Variants in NSD2 observed in about 807,000 individuals in gnomAD.
NSD2 encodes nuclear receptor binding SET domain protein 2.
A neutral mutation model predicts 139.0 loss-of-function variants in NSD2; 12 were observed. That is an observed-to-expected ratio of 0.09 (90% CI 0.06 to 0.14). The LOEUF (loss-of-function observed/expected upper bound fraction) is 0.14, where lower values mean the gene tolerates loss of function less well. Ranked by LOEUF, NSD2 falls within the 10% of genes least tolerant of loss-of-function variation. NSD2 has a pLI of 1.00. For missense variants in NSD2, 1,155 were observed against 1,745.0 expected (o/e 0.66, Z 6.02); for synonymous variants, 669 against 648.7 (o/e 1.03, Z -0.48).
At chr4:1,874,370 G>C (rs552687077) in intron 1 of NSD2, among the ~76,000 whole-genome samples, 123 of 152,246 alleles carry the variant, frequency 8.1e-4, no homozygotes, top group Non-Finnish European at 1.3e-3. Context: ...CTTCCTCTTT[G>C]AGCATAATTC....
At position 1,959,248 on chromosome 4, in the gene NSD2, G is replaced by A. The variant is rs145841923; in HGVS notation, c.2986-223G>A. Among the ~76,000 whole-genome samples, 1,095 of 152,278 alleles carry A rather than the reference G, an allele frequency of 7.2e-3. 4 individuals are homozygous for A. Among genetic ancestry groups the A allele is most frequent in the Admixed American group, 0.011 (170 of 15,294 alleles). ...CACAGACACTAAGATAAAATAATGT[G>A]AGGGGGCGTTGTGTTGCCCTGCCTG... On this transcript the variant is annotated intron_variant, in intron 16 of 21. Coordinates refer to ENST00000508803, the MANE Select transcript of NSD2 (RefSeq NM_001042424.3).
Position 1,976,716 on chromosome 4 carries a change from C to A in NSD2, c.3826+37C>A. 1 of 1,537,972 alleles carries A rather than the reference C, an allele frequency of 6.5e-7. No homozygotes were observed. Among genetic ancestry groups the A allele is most frequent in the South Asian group, 1.2e-5 (1 of 83,482 alleles). ...GCCTCGCGGTGGCTTGCAGCTGTGT[C>A]TGTGTGGCAGGCTCCTGATGGCGGC... is the stretch of plus-strand genomic sequence containing the variant. On this transcript the variant is annotated intron_variant, in intron 21 of 21. Transcript: ENST00000508803. The surrounding 1 kb of genome is among the most constrained non-coding windows in gnomAD (Gnocchi z 5.3).
At chr4:1,952,269 G>A (rs765097136) in intron 11 of NSD2, 38 bp downstream of exon 11, 48 of 1,609,418 alleles carry the variant, frequency 3.0e-5, no homozygotes, top group Admixed American at 8.4e-5. Flanking sequence ...CAGCCTGGCC[G>A]GCCACCTGCT....
chr4:1,939,080 C>T (rs1049325058), intron 8 of NSD2, among the ~76,000 whole-genome samples: 3 of 152,082 alleles, frequency 2.0e-5, no homozygotes, highest in African/African-American at 7.2e-5. Flanking sequence ...AGAAGTCATA[C>T]CTTCTCCAAC....
rs1308970053 is a variant in NSD2, at chr4:1,904,374, T to G, written c.756T>G (p.Leu252=). 1.2e-6 allele frequency: 2 copies of G among 1,610,206 alleles called. No individual in the cohort carries two copies. The highest frequency in any genetic ancestry group is 4.5e-5 in the East Asian group (2 of 44,792). Residue 252 remains leucine, a synonymous_variant, in exon 3 of 22, where the codon CTT becomes CTG. Transcript: ENST00000508803. ...CACTCCTTCACAGCTATACCAAACT[T>G]AAAGGTATTGTGTTCTTTGGGTTGT... ...ADPLLHSYTK[L]KGQKKSARQY... is the part of the protein sequence containing the mutation.
At chr4:1,892,335 CT>C (rs1216226283) in intron 1 of NSD2, 1 of 152,168 alleles carries the variant, frequency 6.6e-6, no homozygotes. Context: ...AGCCTTCCCC[CT>C]GCTTCTGAGA....
At chr4:1,878,513 A>C (rs1714469539) in intron 1 of NSD2, among the ~76,000 whole-genome samples, 1 of 151,806 alleles carries the variant, frequency 6.6e-6, no homozygotes. Flanking sequence ...TCCTGGCTGC[A>C]TTGGGTCATC....
chr4:1,981,666 C>T lies in NSD2; in HGVS notation c.*2757C>T. On this transcript the variant is annotated 3_prime_UTR_variant, in exon 22 of 22. Coordinates refer to ENST00000508803, the MANE Select transcript of NSD2 (RefSeq NM_001042424.3). Reference sequence around the variant, plus strand: ...CGGCCTTTCTTCCGGCGACACCCGTCCATGGCTGGCTGGGTCCCCTTCGCA... The same window carrying T: ...CGGCCTTTCTTCCGGCGACACCCGTTCATGGCTGGCTGGGTCCCCTTCGCA... 1 of 393,262 alleles carries T rather than the reference C, an allele frequency of 2.5e-6. No homozygotes were observed. The allele number at this position is 393,262 out of a possible 1,614,324, so 24.4% of individuals were successfully genotyped here. A position where few individuals can be genotyped will look rare whatever the true frequency, so the allele number is the denominator to read the frequency against.
rs1296324363 is a variant in NSD2, at chr4:1,980,952, T to TA, written c.*2044dup. 3.4e-5 allele frequency: 8 copies of TA among 233,226 alleles called. No homozygotes were observed. In the East Asian group the frequency reaches 4.2e-4, roughly 12 times the overall value. 14.4% of individuals were successfully genotyped at this position (233,226 alleles called of 1,614,324 possible). On this transcript the variant is annotated 3_prime_UTR_variant, in exon 22 of 22. Transcript: ENST00000508803. ...CCGGGCAGTGTCCCCACACACACCT[T>TA]AGAGTCGAAGGCCCCAGGGCCCCGC...
In NSD2 at chr4:1,980,072, G is replaced by A. The variant is rs941137940; in HGVS notation, c.*1163G>A. On this transcript the variant is annotated 3_prime_UTR_variant, in exon 22 of 22. Coordinates refer to ENST00000508803, the MANE Select transcript of NSD2 (RefSeq NM_001042424.3). Reference sequence around the variant, plus strand: ...GCTGATCACATGTGCCCTCTGCCAGGGCACCTACTGAGAGGTGCGGTCCTG... The same window carrying A: ...GCTGATCACATGTGCCCTCTGCCAGAGCACCTACTGAGAGGTGCGGTCCTG... The A allele has an allele frequency of 4.3e-6, 1 of 233,206 alleles. No homozygotes were observed. Among genetic ancestry groups the A allele is most frequent in the East Asian group, 6.0e-5 (1 of 16,596 alleles). The allele number at this position is 233,206 out of a possible 1,614,324, so 14.4% of individuals were successfully genotyped here.
Position 1,980,181 on chromosome 4 carries a change from C to T in NSD2, c.*1272C>T, listed in dbSNP as rs1186086443. On this transcript the variant is annotated 3_prime_UTR_variant, in exon 22 of 22. Coordinates refer to ENST00000508803, the MANE Select transcript of NSD2 (RefSeq NM_001042424.3). ...CTAGGCCAGGTATGACACCCACTCTCCTGTGAGATTTCACTTTAGTTTTTA... is the reference window on the plus strand; with the variant it reads ...CTAGGCCAGGTATGACACCCACTCTTCTGTGAGATTTCACTTTAGTTTTTA... The T allele has an allele frequency of 4.3e-6, 1 of 233,348 alleles. No individual in the cohort carries two copies. The highest frequency in any genetic ancestry group is 2.2e-5 in the African/African-American group (1 of 45,492). The allele number at this position is 233,348 out of a possible 1,614,324, so 14.5% of individuals were successfully genotyped here.
At chr4:1,893,120 C>G (rs1206904126) in intron 1 of NSD2, among the ~76,000 whole-genome samples, 1 of 152,142 alleles carries the variant, frequency 6.6e-6, no homozygotes. Context: ...TAATCCCTTC[C>G]GTTCTTTGTC....
intron 1 of NSD2, among the ~76,000 whole-genome samples, chr4:1,886,567 C>G (rs1027012346): frequency 6.6e-6 from 1 of 152,120 alleles, no homozygotes; most frequent in African/African-American, 2.4e-5. Flanking sequence ...CGCGGTGACT[C>G]ACGCCTGTAA....
rs112372308 is a variant in NSD2 at position 1,898,906 on chromosome 4, G to A, written c.-29-1720G>A. Reference sequence around the variant, plus strand: ...CACATTTCAAAATGGAGTTCACCCAGTGCTGTTCCCTTTCTTTCAACAGTT... The same window carrying A: ...CACATTTCAAAATGGAGTTCACCCAATGCTGTTCCCTTTCTTTCAACAGTT... On this transcript the variant is annotated intron_variant, in intron 1 of 21. Transcript: ENST00000508803. Among the ~76,000 whole-genome samples the A allele has an allele frequency of 7.1e-3, 1,075 of 152,150 alleles. 11 individuals carry two copies. Among genetic ancestry groups the A allele is most frequent in the South Asian group, 0.042 (200 of 4,816 alleles).
chr4:1,961,334 G>C (rs1725346600), intron 18 of NSD2, among the ~76,000 whole-genome samples, 183 bp downstream of exon 18: 1 of 152,122 alleles, frequency 6.6e-6, no homozygotes, highest in African/African-American at 2.4e-5. Flanking sequence ...CGGAGGGCTA[G>C]AGCTAACCAC....
chr4:1,948,190 C>T lies in NSD2; in HGVS notation c.1882-2882C>T, dbSNP rs1410319238. The T allele has an allele frequency of 4.7e-6, 5 of 1,063,790 alleles. No individual in the cohort carries two copies. Among genetic ancestry groups the T allele is most frequent in the African/African-American group, 3.3e-5 (2 of 60,952 alleles). 65.9% of individuals were successfully genotyped at this position (1,063,790 alleles called of 1,614,324 possible). ...AAGTCAGGAGCTAAGCTGCTCGGAGCTCAGTGCCGCAGCATGGCTGTGGTG... is the reference window on the plus strand; with the variant it reads ...AAGTCAGGAGCTAAGCTGCTCGGAGTTCAGTGCCGCAGCATGGCTGTGGTG... On this transcript the variant is annotated intron_variant, in intron 9 of 21. Transcript: ENST00000508803. This position sits in a 1 kb window ranked among gnomAD's most constrained non-coding sequence, Gnocchi z 4.5.
At chr4:1,941,890 A>C in intron 9 of NSD2, 1 of 1,064,520 alleles carries the variant, frequency 9.4e-7, no homozygotes, top group Non-Finnish European at 1.1e-6. Flanking sequence ...GCCTGTTAGC[A>C]TATGAGGCAA....
chr4:1,947,892 A>G, intron 9 of NSD2: 1 of 1,055,528 alleles, frequency 9.5e-7, no homozygotes, highest in Non-Finnish European at 1.1e-6. Flanking sequence ...TCTGAAGAGT[A>G]GGTGAGCGCT....
At chr4:1,938,399 TTC>T in intron 7 of NSD2, 50 bp from the exon 8 acceptor site, 1 of 1,284,322 alleles carries the variant, frequency 7.8e-7, no homozygotes, top group Non-Finnish European at 1.0e-6. Flanking sequence ...TTTTTTTCTT[TTC>T]TTTTTTTTTT....
Sources: allele counts gnomAD v4.1 joint callset (sites outside exome capture counted in the v4.1 genomes callset), GRCh38; gene constraint gnomAD v4.1.1; non-coding constraint Gnocchi (gnomAD v3.1); transcripts MANE v1.5; gene names NCBI Gene and HGNC (gene_info 2026-07-23, HGNC 2026-07-21).